Variants in SWT1 observed in about 807,000 individuals in gnomAD.
SWT1 encodes the protein transcriptional protein SWT1.
A neutral mutation model predicts 107.3 loss-of-function variants in SWT1; 33 were observed. The ratio of observed to expected loss-of-function variants is 0.31; its 90% CI spans 0.23 to 0.41. The LOEUF (loss-of-function observed/expected upper bound fraction) is 0.41. Among genes scored for constraint, SWT1 ranks in the 10% least tolerant of loss-of-function variants. The probability of loss-of-function intolerance (pLI) is 1.00; values close to 1 mark genes in which losing one functional copy is unlikely to be tolerated. For missense variants in SWT1, 898 were observed against 1,028.9 expected (o/e 0.87, Z 1.74); for synonymous variants, 345 against 348.3 (o/e 0.99, Z 0.11).
intron 16 of SWT1, among the ~76,000 whole-genome samples, chr1:185,257,325 G>A (rs1466122660): frequency 9.2e-5 from 14 of 152,178 alleles, no homozygotes; most frequent in East Asian, 3.9e-4. Flanking sequence ...CGAGCTTCCT[G>A]GCTGCTTTGT....
intron 18 of SWT1, chr1:185,280,766 G>A (rs1204098955): frequency 7.4e-6 from 2 of 269,012 alleles, no homozygotes; most frequent in African/African-American, 2.3e-5. Flanking sequence ...TGGGCCTGGA[G>A]GAGCTGAGAG....
chr1:185,187,053 CTTTTTTTTT>C, intron 9 of SWT1, among the ~76,000 whole-genome samples: 1 of 118,764 alleles, frequency 8.4e-6, no homozygotes, highest in South Asian at 2.9e-4. Context: ...CCGCGCCCAG[CTTTTTTTTT>C]TTTTTTTTTT....
intron 1 of SWT1, 86 bp downstream of exon 1, chr1:185,157,400 G>C (rs1311931882): frequency 6.6e-6 from 1 of 152,624 alleles, no homozygotes; most frequent in Non-Finnish European, 1.5e-5. Flanking sequence ...CGGGCGGCCG[G>C]CCGGACTGGG....
intron 4 of SWT1, among the ~76,000 whole-genome samples, chr1:185,169,471 A>G (rs1034081770): frequency 2.0e-5 from 3 of 152,170 alleles, no homozygotes; most frequent in Admixed American, 6.6e-5. Flanking sequence ...TGGTGTGCAA[A>G]CAGTGAAAGC....
At chr1:185,261,629 G>A (rs779115626) in intron 16 of SWT1, among the ~76,000 whole-genome samples, 3 of 150,608 alleles carry the variant, frequency 2.0e-5, no homozygotes, top group East Asian at 3.9e-4. Flanking sequence ...AGTGCACAAG[G>A]GTTCCAATTT....
At chr1:185,248,169 A>G (rs957918229) in intron 16 of SWT1, among the ~76,000 whole-genome samples, 1 of 152,238 alleles carries the variant, frequency 6.6e-6, no homozygotes, top group African/African-American at 2.4e-5. Context: ...CCGTATAGAA[A>G]GAAGCAGAGG....
At chr1:185,237,856 G>A (rs1370012429) in intron 16 of SWT1, among the ~76,000 whole-genome samples, 1 of 152,094 alleles carries the variant, frequency 6.6e-6, no homozygotes, top group Non-Finnish European at 1.5e-5. Flanking sequence ...GCTTACATAA[G>A]CAGTATCTAA....
chr1:185,290,495 C>T (rs1665190591), intron 18 of SWT1, among the ~76,000 whole-genome samples, 179 bp from the exon 19 acceptor site: 1 of 152,014 alleles, frequency 6.6e-6, no homozygotes, highest in Admixed American at 6.6e-5. Flanking sequence ...TGGAATAATG[C>T]ATATGTTATT....
chr1:185,228,200 T>TATATATATATATATATATATACACAC (rs1235462995), intron 15 of SWT1, among the ~76,000 whole-genome samples: 1 of 144,958 alleles, frequency 6.9e-6, no homozygotes, highest in African/African-American at 2.7e-5. Context: ...CATATATATA[T>TATATATATATATATATATATACACAC]ACTCAGTATG....
At chr1:185,163,417 A>G (rs1450967200) in intron 2 of SWT1, among the ~76,000 whole-genome samples, 35 of 147,502 alleles carry the variant, frequency 2.4e-4, no homozygotes, top group Non-Finnish European at 4.6e-4. Flanking sequence ...TTTTTGAAAC[A>G]GAGTCTCACT....
At chr1:185,244,071 A>ATC (rs1175782205) in intron 16 of SWT1, among the ~76,000 whole-genome samples, 1 of 151,836 alleles carries the variant, frequency 6.6e-6, no homozygotes, top group Non-Finnish European at 1.5e-5. Context: ...ACACTCATAC[A>ATC]TCTCTCTCTC....
At chr1:185,205,793 G>T (rs1218249674) in intron 12 of SWT1, among the ~76,000 whole-genome samples, 1 of 152,124 alleles carries the variant, frequency 6.6e-6, no homozygotes, top group East Asian at 1.9e-4. Flanking sequence ...AAATGATGAC[G>T]AATCATCAGA....
intron 18 of SWT1, among the ~76,000 whole-genome samples, chr1:185,282,451 C>T (rs989279497): frequency 2.6e-5 from 4 of 151,486 alleles, no homozygotes; most frequent in Admixed American, 1.3e-4. Flanking sequence ...TCTTGGGGGG[C>T]GGCACACACA....
At position 185,280,878 on chromosome 1, in the gene SWT1, A is replaced by G. The variant is rs921797281; in HGVS notation, c.2573+4210A>G. 1.3e-5 allele frequency: 6 copies of G among 456,690 alleles called. No individual in the cohort carries two copies. The East Asian group carries it at 1.9e-4, about 14-fold the overall frequency. The allele number at this position is 456,690 out of a possible 1,614,324, so 28.3% of individuals were successfully genotyped here. On this transcript the variant is annotated intron_variant, in intron 18 of 18. Coordinates refer to ENST00000367500, the MANE Select transcript of SWT1 (RefSeq NM_017673.7). ...CTGGCGGTGCAGAAGGTGGTGGTCTACCCCCTGTTGCTTCTCAGTGTGGTG... is the reference window on the plus strand; with the variant it reads ...CTGGCGGTGCAGAAGGTGGTGGTCTGCCCCCTGTTGCTTCTCAGTGTGGTG...
At chr1:185,198,752 G>GT (rs902837426) in intron 10 of SWT1, among the ~76,000 whole-genome samples, 48 of 142,076 alleles carry the variant, frequency 3.4e-4, no homozygotes, top group African/African-American at 7.5e-4. Flanking sequence ...TGCAACCCCT[G>GT]TTTTTTTTTG....
rs915983356 is a variant in SWT1, at chr1:185,227,271, G to C, written c.2310-4306G>C. On this transcript the variant is annotated intron_variant, in intron 15 of 18. Coordinates refer to ENST00000367500, the MANE Select transcript of SWT1 (RefSeq NM_017673.7). ...GGCAAGACCTGCATCCAAATAGCAGGTAAAGGCACCTGGCTGACCATCGGT... is the reference window on the plus strand; with the variant it reads ...GGCAAGACCTGCATCCAAATAGCAGCTAAAGGCACCTGGCTGACCATCGGT... The C allele has an allele frequency of 6.6e-6, 5 of 757,598 alleles. No individual in the cohort carries two copies. In the South Asian group the frequency reaches 6.7e-5, roughly 10 times the overall value. The allele number at this position is 757,598 out of a possible 1,614,324, so 46.9% of individuals were successfully genotyped here.
chr1:185,258,312 A>G (rs1364267147), intron 16 of SWT1, among the ~76,000 whole-genome samples: 3 of 152,170 alleles, frequency 2.0e-5, no homozygotes, highest in African/African-American at 7.2e-5. Flanking sequence ...CTAACATTAT[A>G]TAATGTTCCA....
chr1:185,195,889 AT>A (rs1269861870), intron 10 of SWT1, among the ~76,000 whole-genome samples: 2 of 152,188 alleles, frequency 1.3e-5, no homozygotes, highest in Non-Finnish European at 2.9e-5. Flanking sequence ...GATTCTGGAT[AT>A]TAGCCCTTTG....
rs185593679 is a variant in SWT1 at position 185,291,552 on chromosome 1, T to G, written c.*749T>G. 6.6e-6 allele frequency: 1 copy of G among 152,656 alleles called. No homozygotes were observed. The highest frequency in any genetic ancestry group is 1.5e-5 in the Non-Finnish European group (1 of 68,046). 9.5% of individuals were successfully genotyped at this position (152,656 alleles called of 1,614,324 possible). ...CTAAAACCAACTGTTTAGTTGACTTTTTAGTTATAGGATAAGTTGGAAGTC... is the reference window on the plus strand; with the variant it reads ...CTAAAACCAACTGTTTAGTTGACTTGTTAGTTATAGGATAAGTTGGAAGTC... On this transcript the variant is annotated 3_prime_UTR_variant, in exon 19 of 19. Coordinates refer to ENST00000367500, the MANE Select transcript of SWT1 (RefSeq NM_017673.7).
Sources: gnomAD v4.1 joint callset for allele counts (sites outside exome capture counted in the v4.1 genomes callset) on GRCh38, gnomAD v4.1.1 for gene constraint, MANE v1.5 for transcripts, NCBI Gene and HGNC (gene_info 2026-07-23, HGNC 2026-07-21) for gene names.